SLC7A2: variants seen among roughly 807,000 people sequenced by gnomAD.
SLC7A2 encodes cationic amino acid transporter 2.
SLC7A2 carries 48 observed loss-of-function variants against 58.9 expected under a neutral mutation model. The observed-to-expected ratio is 0.82, with a 90% CI of 0.65 to 1.04. The LOEUF is 1.04. Ranked by LOEUF, SLC7A2 falls within the 50% of genes least tolerant of loss-of-function variation. The pLI is 0.00. For synonymous variants in SLC7A2, 363 were observed against 314.5 expected, an observed-to-expected ratio of 1.15 and a Z score of -1.63; for missense variants, 1,029 against 818.8, an observed-to-expected ratio of 1.26 and a Z score of -3.13.
At position 17,513,342 on chromosome 8, in the gene SLC7A2, G is replaced by A. The variant is rs1028994482; in HGVS notation, c.-23+11040G>A. Among the ~76,000 whole-genome samples the A allele has an allele frequency of 3.3e-5, 5 of 151,814 alleles. No homozygotes were observed. The South Asian group carries it at 1.0e-3, about 32-fold the overall frequency. ...TTTCTGGGTTTTTTTTCTTTTTGTA[G>A]TAGTCATCCTAAGGGATACTGAAGT... On this transcript the variant is annotated intron_variant, in intron 2 of 12. Coordinates refer to ENST00000494857, the MANE Select transcript of SLC7A2 (RefSeq NM_001370338.1).
At chr8:17,533,162 C>T (rs2588229) in intron 2 of SLC7A2, among the ~76,000 whole-genome samples, 87,988 of 151,940 alleles carry the variant, frequency 0.58, 27,068 homozygotes, top group Admixed American at 0.69. Context: ...TCAGATTTAT[C>T]TGAAGCCAGT....
At chr8:17,548,568 A>C in intron 4 of SLC7A2, 110 bp from the exon 5 acceptor site, 1 of 763,466 alleles carries the variant, frequency 1.3e-6, no homozygotes, top group African/African-American at 1.7e-5. Flanking sequence ...ATAGATGGAA[A>C]TTAAAGACAT....
At chr8:17,555,181 T>TA (rs1161021698) in intron 8 of SLC7A2, 123 of 1,072,418 alleles carry the variant, frequency 1.1e-4, no homozygotes, top group South Asian at 2.2e-4. Context: ...GCATGTAAGT[T>TA]AAAAAAAACA....
rs1800715805 is a variant in SLC7A2, at chr8:17,514,284, C to G, written c.-23+11982C>G. Among the ~76,000 whole-genome samples the G allele has an allele frequency of 3.3e-5, 5 of 152,138 alleles. 1 individual carries two copies. In the South Asian group the frequency reaches 1.0e-3, roughly 32 times the overall value. On this transcript the variant is annotated intron_variant, in intron 2 of 12. Transcript: ENST00000494857. ...CAATTAAAAAAAAAATACAGTGTGT[C>G]CCAAAACACGCATTTGAGTTGGGAG...
Position 17,565,185 on chromosome 8 carries a change from A to G in SLC7A2, c.*39A>G, listed in dbSNP as rs1803211090. On this transcript the variant is annotated 3_prime_UTR_variant, in exon 13 of 13. Transcript: ENST00000494857. The stretch of plus-strand genomic sequence containing the variant: ...AGAGCTGGTCATCGTCTTAGCATAC[A>G]TATCCTACACTGAGTAAACCGTAAC... 2.0e-6 allele frequency: 3 copies of G among 1,509,552 alleles called. No homozygotes were observed. Among genetic ancestry groups the G allele is most frequent in the Non-Finnish European group, 2.7e-6 (3 of 1,097,972 alleles). 93.5% of individuals were successfully genotyped at this position (1,509,552 alleles called of 1,614,324 possible). A position where few individuals can be genotyped will look rare whatever the true frequency, so the allele number is the denominator to read the frequency against.
At chr8:17,524,843 C>T (rs2150697727) in intron 2 of SLC7A2, among the ~76,000 whole-genome samples, 1 of 151,982 alleles carries the variant, frequency 6.6e-6, no homozygotes, top group East Asian at 1.9e-4. Context: ...ACATACAGAG[C>T]CAGTGTGCAA....
intron 2 of SLC7A2, among the ~76,000 whole-genome samples, chr8:17,506,449 T>C (rs1410629913): frequency 1.3e-5 from 2 of 152,206 alleles, no homozygotes; most frequent in Non-Finnish European, 1.5e-5. Flanking sequence ...TCACAGTACA[T>C]TTAAAACTGT....
At chr8:17,556,768 C>A (rs1346485298) in intron 8 of SLC7A2, among the ~76,000 whole-genome samples, 1 of 151,976 alleles carries the variant, frequency 6.6e-6, no homozygotes, top group Non-Finnish European at 1.5e-5. Flanking sequence ...GCCACCACGC[C>A]CAGCTGATTT....
intron 2 of SLC7A2, among the ~76,000 whole-genome samples, chr8:17,512,277 C>T (rs1182975122): frequency 6.6e-6 from 1 of 152,074 alleles, no homozygotes; most frequent in African/African-American, 2.4e-5. Flanking sequence ...AGGCCAGGCA[C>T]AGCTCACCCC....
At chr8:17,546,234 C>G (rs1337839050) in intron 4 of SLC7A2, among the ~76,000 whole-genome samples, 1 of 152,186 alleles carries the variant, frequency 6.6e-6, no homozygotes, top group Non-Finnish European at 1.5e-5. Context: ...AGCTGTGACA[C>G]AATTAGAACA....
At chr8:17,560,960 C>T (rs751788191) in intron 10 of SLC7A2, among the ~76,000 whole-genome samples, 13 of 152,186 alleles carry the variant, frequency 8.5e-5, no homozygotes, top group African/African-American at 2.2e-4. Context: ...TTGAACATTG[C>T]GTGTGTGTCA....
chr8:17,523,364 A>G (rs929769690), intron 2 of SLC7A2, among the ~76,000 whole-genome samples: 27 of 152,200 alleles, frequency 1.8e-4, no homozygotes, highest in Non-Finnish European at 4.4e-5. Context: ...ATTTCAAACT[A>G]TACCATAAGG....
At chr8:17,557,661 C>G (rs1423289306) in intron 8 of SLC7A2, among the ~76,000 whole-genome samples, 1 of 151,830 alleles carries the variant, frequency 6.6e-6, no homozygotes, top group Non-Finnish European at 1.5e-5. Context: ...AACCCTGCCC[C>G]TACGAAAAAT....
chr8:17,569,753 G>C lies in SLC7A2; in HGVS notation c.*4607G>C, dbSNP rs1563495131. ...CCCAACTGGTAACACTGTTTGCTGG[G>C]AGCATTATACTTAACTTTGATTCAC... On this transcript the variant is annotated 3_prime_UTR_variant, in exon 13 of 13. Transcript: ENST00000494857. The C allele has an allele frequency of 6.6e-6, 1 of 152,118 alleles. No homozygotes were observed. The highest frequency in any genetic ancestry group is 1.5e-5 in the Non-Finnish European group (1 of 68,018). The allele number at this position is 152,118 out of a possible 1,614,324, so 9.4% of individuals were successfully genotyped here. A position where few individuals can be genotyped will look rare whatever the true frequency, so the allele number is the denominator to read the frequency against.
At chr8:17,504,969 C>A (rs1800305487) in intron 2 of SLC7A2, among the ~76,000 whole-genome samples, 1 of 152,144 alleles carries the variant, frequency 6.6e-6, no homozygotes, top group African/African-American at 2.4e-5. Context: ...ATTCGTGCCT[C>A]TGTGGGAAAG....
rs1010805755 is a variant in SLC7A2, at chr8:17,565,206, G to A, written c.*60G>A. Reference sequence around the variant, plus strand: ...ATACATATCCTACACTGAGTAAACCGTAACGGGATGTCATCAGCATGCTGG... The same window carrying A: ...ATACATATCCTACACTGAGTAAACCATAACGGGATGTCATCAGCATGCTGG... On this transcript the variant is annotated 3_prime_UTR_variant, in exon 13 of 13. Coordinates refer to ENST00000494857, the MANE Select transcript of SLC7A2 (RefSeq NM_001370338.1). 59 of 1,308,880 alleles carry A rather than the reference G, an allele frequency of 4.5e-5. No individual in the cohort carries two copies. Among genetic ancestry groups the A allele is most frequent in the East Asian group, 2.2e-4 (9 of 40,728 alleles). The allele number at this position is 1,308,880 out of a possible 1,614,324, so 81.1% of individuals were successfully genotyped here. A position where few individuals can be genotyped will look rare whatever the true frequency, so the allele number is the denominator to read the frequency against.
At position 17,550,403 on chromosome 8, in the gene SLC7A2, C is replaced by T. The variant is rs553457507; in HGVS notation, c.801C>T (p.Ala267=). 4 of 1,613,840 alleles carry T rather than the reference C, an allele frequency of 2.5e-6. No homozygotes were observed. In the Admixed American group the frequency reaches 6.7e-5, roughly 27 times the overall value. ...TLAGAATCFY[A]FVGFDCIATT... ...CTGGTGCTGCAACTTGCTTTTATGC[C>T]TTTGTGGGATTTGACTGCATTGCAA... Residue 267 remains alanine, a synonymous_variant, in exon 6 of 13, where the codon GCC becomes GCT. Transcript: ENST00000494857.
Position 17,570,161 on chromosome 8 carries a change from A to G in SLC7A2, c.*5015A>G, listed in dbSNP as rs1019633585. 2.0e-5 allele frequency: 3 copies of G among 152,224 alleles called. No individual in the cohort carries two copies. Among genetic ancestry groups the G allele is most frequent in the Non-Finnish European group, 2.9e-5 (2 of 68,052 alleles). 9.4% of individuals were successfully genotyped at this position (152,224 alleles called of 1,614,324 possible). A position where few individuals can be genotyped will look rare whatever the true frequency, so the allele number is the denominator to read the frequency against. ...GCCTTGCTGTGCCACGTGTCTCACCAAGACCCAGTTGGGAAAGAGCGTCAT... is the reference window on the plus strand; with the variant it reads ...GCCTTGCTGTGCCACGTGTCTCACCGAGACCCAGTTGGGAAAGAGCGTCAT... On this transcript the variant is annotated 3_prime_UTR_variant, in exon 13 of 13. Coordinates refer to ENST00000494857, the MANE Select transcript of SLC7A2 (RefSeq NM_001370338.1).
intron 6 of SLC7A2, 81 bp from the exon 7 acceptor site, chr8:17,551,683 A>C (rs1294388522): frequency 1.6e-5 from 16 of 1,007,728 alleles, no homozygotes; most frequent in Non-Finnish European, 2.5e-5. Flanking sequence ...CCTGGAGAAG[A>C]GGAAGAATTT....
Sources: gnomAD v4.1 joint callset for allele counts (sites outside exome capture counted in the v4.1 genomes callset) on GRCh38, gnomAD v4.1.1 for gene constraint, MANE v1.5 for transcripts, NCBI Gene and HGNC (gene_info 2026-07-23, HGNC 2026-07-21) for gene names.